Variants in ATP11B observed in about 807,000 individuals in gnomAD.
ATP11B encodes ATPase phospholipid transporting 11B (putative), also known as phospholipid-transporting ATPase IF.
ATP11B carries 81 observed loss-of-function variants against 157.8 expected under a neutral mutation model. The ratio of observed to expected loss-of-function variants is 0.51; its 90% confidence interval spans 0.43 to 0.62. ATP11B has a LOEUF of 0.62. Ranked by LOEUF, ATP11B falls within the 20% of genes least tolerant of loss-of-function variation. ATP11B has a pLI of 0.00. For missense variants in ATP11B, 1,165 were observed against 1,402.2 expected (o/e 0.83, Z 2.70); for synonymous variants, 451 against 469.4 (o/e 0.96, Z 0.51).
intron 21 of ATP11B, among the ~76,000 whole-genome samples, chr3:182,884,186 AAG>A: frequency 6.6e-6 from 1 of 152,220 alleles, no homozygotes; most frequent in East Asian, 1.9e-4. Context: ...ACCATTAAAA[AAG>A]TATTCATATT....
At chr3:182,829,953 C>T (rs1356191838) in intron 4 of ATP11B, 1 of 984,832 alleles carries the variant, frequency 1.0e-6, no homozygotes, top group Non-Finnish European at 1.2e-6. Flanking sequence ...TGATTAACAT[C>T]GTTAAAATAT....
Position 182,879,551 on chromosome 3 carries a change from T to A in ATP11B, c.2308T>A (p.Ser770Thr). The A allele has an allele frequency of 6.2e-7, 1 of 1,614,130 alleles. No individual in the cohort carries two copies. Among genetic ancestry groups the A allele is most frequent in the Non-Finnish European group, 8.5e-7 (1 of 1,179,996 alleles). ...HGLVVDGTSL[S>T]LALREHEKLF... is the part of the protein sequence containing the mutation. ...GCTGGTAGTGGATGGGACCAGCCTA[T>A]CTCTTGCACTCAGGGAGCATGAAAA... Residue 770 changes from serine to threonine, a missense_variant, in exon 20 of 30, where the codon TCT becomes ACT. Physicochemically the swap from Ser to Thr is moderately conservative, Grantham distance 58. This residue lies in a region of ATP11B where 737 missense variants were observed against 930.5 expected (regional missense o/e 0.79). Coordinates refer to ENST00000323116, the MANE Select transcript of ATP11B (RefSeq NM_014616.3).
rs1226647966 is a variant in ATP11B at position 182,901,340 on chromosome 3, C to CAAA, written c.3318+2579_3318+2581dup. Among the ~76,000 whole-genome samples the CAAA allele has an allele frequency of 1.5e-3, 72 of 49,046 alleles. 1 individual carries two copies. The highest frequency in any genetic ancestry group is 2.6e-3 in the Admixed American group (13 of 5,024). The allele number at this position is 49,046 out of a possible 152,430, so 32.2% of individuals were successfully genotyped here. A position where few individuals can be genotyped will look rare whatever the true frequency, so the allele number is the denominator to read the frequency against. On this transcript the variant is annotated intron_variant, in intron 28 of 29. Coordinates refer to ENST00000323116, the MANE Select transcript of ATP11B (RefSeq NM_014616.3). ...GGCGACAAAGTGAGACTCCGTCTCA[C>CAAA]AAAAAAAAAAAAACAAAAAAAAAAC...
At chr3:182,911,404 C>T (rs975971393) in intron 28 of ATP11B, among the ~76,000 whole-genome samples, 1 of 150,662 alleles carries the variant, frequency 6.6e-6, no homozygotes, top group African/African-American at 2.4e-5. Flanking sequence ...TAGTCTGCCT[C>T]TTATAATCAT....
intron 25 of ATP11B, among the ~76,000 whole-genome samples, chr3:182,892,626 A>G (rs1185020109): frequency 6.6e-6 from 1 of 152,208 alleles, no homozygotes; most frequent in African/African-American, 2.4e-5. Flanking sequence ...TTTTCAACAA[A>G]TACTTTTGAA....
At chr3:182,888,662 A>C (rs1722960202) in intron 24 of ATP11B, among the ~76,000 whole-genome samples, 1 of 152,064 alleles carries the variant, frequency 6.6e-6, no homozygotes, top group African/African-American at 2.4e-5. Flanking sequence ...CTGGGATTAC[A>C]GGCACACACC....
intron 29 of ATP11B, chr3:182,917,110 AAG>A (rs1267501538): frequency 1.0e-6 from 1 of 985,238 alleles, no homozygotes; most frequent in Non-Finnish European, 1.2e-6. Flanking sequence ...ATCTCTGGGA[AAG>A]AGAAAATATT....
intron 4 of ATP11B, among the ~76,000 whole-genome samples, chr3:182,834,140 G>A (rs1338377547): frequency 6.6e-6 from 1 of 152,150 alleles, no homozygotes; most frequent in Non-Finnish European, 1.5e-5. Flanking sequence ...TCATCTGACT[G>A]TAAAGAAAAG....
At position 182,918,286 on chromosome 3, in the gene ATP11B, C is replaced by T. The variant is rs2108601428; in HGVS notation, c.*182C>T. The T allele has an allele frequency of 1.4e-6, 1 of 710,276 alleles. No individual in the cohort carries two copies. The highest frequency in any genetic ancestry group is 3.1e-5 in the East Asian group (1 of 32,662). The allele number at this position is 710,276 out of a possible 1,614,324, so 44.0% of individuals were successfully genotyped here. A position where few individuals can be genotyped will look rare whatever the true frequency, so the allele number is the denominator to read the frequency against. On this transcript the variant is annotated 3_prime_UTR_variant, in exon 30 of 30. Coordinates refer to ENST00000323116, the MANE Select transcript of ATP11B (RefSeq NM_014616.3). ...ATTAGTACAAGCCCCTCCCAACACC[C>T]TTAATTTGAATCTGAACATGTTAAA... is the stretch of plus-strand genomic sequence containing the variant.
Position 182,865,662 on chromosome 3 carries a change from C to A in ATP11B, c.1407C>A (p.Ser469=), listed in dbSNP as rs1441077225. Reference sequence around the variant, plus strand: ...ACTTATCCCATCTTACAACCAGTTCCTCTTTCAGAACCAGTCCTGAAAATG... The same window carrying A: ...ACTTATCCCATCTTACAACCAGTTCATCTTTCAGAACCAGTCCTGAAAATG... The part of the protein sequence containing the change: ...LNNLSHLTTS[S]SFRTSPENET... The change falls in exon 13 of 30, where the codon TCC becomes TCA. Residue 469 remains serine, a synonymous_variant. Coordinates refer to ENST00000323116, the MANE Select transcript of ATP11B (RefSeq NM_014616.3). The A allele has an allele frequency of 3.1e-6, 5 of 1,613,426 alleles. No homozygotes were observed. In the South Asian group the frequency reaches 5.5e-5, roughly 18 times the overall value.
intron 4 of ATP11B, among the ~76,000 whole-genome samples, chr3:182,832,641 T>C (rs930653762): frequency 6.6e-6 from 1 of 152,180 alleles, no homozygotes. Context: ...ATCAATTACT[T>C]ACACTTTAAT....
chr3:182,822,475 C>T (rs1280863616), intron 2 of ATP11B, among the ~76,000 whole-genome samples: 2 of 152,170 alleles, frequency 1.3e-5, no homozygotes, highest in African/African-American at 4.8e-5. Context: ...GCATAGTATT[C>T]CATGGTGTAT....
intron 1 of ATP11B, among the ~76,000 whole-genome samples, chr3:182,807,926 C>T (rs902473085): frequency 6.6e-6 from 1 of 152,084 alleles, no homozygotes; most frequent in Non-Finnish European, 1.5e-5. Flanking sequence ...ATTATAAGAT[C>T]AAATACTAAG....
In ATP11B at chr3:182,820,271, A is replaced by G. The variant is rs1191041703; in HGVS notation, c.39A>G (p.Pro13=). The change falls in exon 2 of 30, where the codon CCA becomes CCG. Residue 13 remains proline, a synonymous_variant. Transcript: ENST00000323116. ...RWIRQQLGFD[P]PHQSDTRTIY... ...TTGATTGGTCTTAGGGTTTTGACCCACCACATCAGAGTGACACAAGAACCA... is the reference window on the plus strand; with the variant it reads ...TTGATTGGTCTTAGGGTTTTGACCCGCCACATCAGAGTGACACAAGAACCA... 1.9e-6 allele frequency: 3 copies of G among 1,613,336 alleles called. No individual in the cohort carries two copies. Among genetic ancestry groups the G allele is most frequent in the Admixed American group, 1.7e-5 (1 of 60,012 alleles).
chr3:182,851,319 A>G (rs1259321328), intron 10 of ATP11B, among the ~76,000 whole-genome samples: 1 of 151,928 alleles, frequency 6.6e-6, no homozygotes, highest in Non-Finnish European at 1.5e-5. Context: ...CTTTATAAAT[A>G]TTTTTCAAAG....
At chr3:182,856,420 G>T (rs1299447217) in intron 10 of ATP11B, among the ~76,000 whole-genome samples, 38 of 152,128 alleles carry the variant, frequency 2.5e-4, no homozygotes, top group Admixed American at 2.5e-3. Context: ...TGTCTGATGA[G>T]GGTAGACATG....
chr3:182,884,139 A>C (rs1722639015), intron 21 of ATP11B, among the ~76,000 whole-genome samples: 1 of 152,008 alleles, frequency 6.6e-6, no homozygotes, highest in Non-Finnish European at 1.5e-5. Flanking sequence ...CTTGGCAATG[A>C]CTCTTCTTCT....
At chr3:182,843,062 A>G (rs1719178576) in intron 8 of ATP11B, among the ~76,000 whole-genome samples, 1 of 152,200 alleles carries the variant, frequency 6.6e-6, no homozygotes, top group Non-Finnish European at 1.5e-5. Context: ...AGACAATGTA[A>G]TCTCTTGCTC....
rs115229665 is a variant in ATP11B, at chr3:182,903,472, G to A, written c.3318+4700G>A. Among the ~76,000 whole-genome samples, 1,297 of 152,050 alleles carry A rather than the reference G, an allele frequency of 8.5e-3. 21 individuals carry two copies. Among genetic ancestry groups the A allele is most frequent in the African/African-American group, 0.03 (1,231 of 41,476 alleles). On this transcript the variant is annotated intron_variant, in intron 28 of 29. Transcript: ENST00000323116. ...GCTTTTACGAAGCACCACTTAAATA[G>A]CCTTTTATAAAACTCTATGAGTTCA...
Sources: allele counts gnomAD v4.1 joint callset (sites outside exome capture counted in the v4.1 genomes callset), GRCh38; gene constraint gnomAD v4.1.1; regional missense constraint gnomAD v4.1.1; transcripts MANE v1.5; gene names NCBI Gene and HGNC (gene_info 2026-07-23, HGNC 2026-07-21).